Variants in C4BPA observed in about 807,000 individuals in gnomAD.
C4BPA encodes the protein C4b-binding protein alpha chain.
Under a neutral mutation model 63.7 loss-of-function variants are expected in C4BPA, and 31 were observed. The ratio of observed to expected loss-of-function variants is 0.49; its 90% CI spans 0.37 to 0.66. The LOEUF is 0.66. Ranked by LOEUF, C4BPA falls within the 30% of genes least tolerant of loss-of-function variation. The pLI, the probability that C4BPA is intolerant of heterozygous loss-of-function variation, is 0.00. For synonymous variants in C4BPA, 259 were observed against 254.7 expected, an observed-to-expected ratio of 1.02 and a Z score of -0.16; for missense variants, 572 against 723.3, an observed-to-expected ratio of 0.79 and a Z score of 2.40.
rs756785221 is a variant in C4BPA at position 207,141,256 on chromosome 1, C to T, written c.1424C>T (p.Ala475Val). Residue 475 changes from alanine to valine, a missense_variant, in exon 10 of 12, where the codon GCT (alanine) becomes GTT (valine). Coordinates refer to ENST00000367070, the MANE Select transcript of C4BPA (RefSeq NM_000715.4). ...KLSCSYSHWS[A>V]PAPQCKALCR... Reference sequence around the variant, plus strand: ...TCCTGCAGTTATTCACACTGGTCAGCTCCAGCCCCTCAATGTAAAGGTAAC... The same window carrying T: ...TCCTGCAGTTATTCACACTGGTCAGTTCCAGCCCCTCAATGTAAAGGTAAC... 29 of 1,613,026 alleles carry T rather than the reference C, an allele frequency of 1.8e-5. No individual in the cohort carries two copies. Among genetic ancestry groups the T allele is most frequent in the Non-Finnish European group, 2.4e-5 (28 of 1,179,712 alleles).
chr1:207,115,534 A>C lies in C4BPA; in HGVS notation c.428+19A>C. ...CAGAAGGGTGAGTGTGAGGTAATCTATGAACAATTCTTTTATATTTATTTA... is the reference window on the plus strand; with the variant it reads ...CAGAAGGGTGAGTGTGAGGTAATCTCTGAACAATTCTTTTATATTTATTTA... On this transcript the variant is annotated intron_variant, in intron 4 of 11. Coordinates refer to ENST00000367070, the MANE Select transcript of C4BPA (RefSeq NM_000715.4). 7.8e-7 allele frequency: 1 copy of C among 1,286,732 alleles called. No individual in the cohort carries two copies. Among genetic ancestry groups the C allele is most frequent in the South Asian group, 1.4e-5 (1 of 73,088 alleles). 79.7% of individuals were successfully genotyped at this position (1,286,732 alleles called of 1,614,324 possible). A position where few individuals can be genotyped will look rare whatever the true frequency, so the allele number is the denominator to read the frequency against.
chr1:207,142,105 T>G (rs951809737), intron 10 of C4BPA, among the ~76,000 whole-genome samples: 2 of 147,568 alleles, frequency 1.4e-5, no homozygotes, highest in African/African-American at 5.0e-5. Context: ...GTGTGTGATG[T>G]TCCCCTCCCT....
intron 1 of C4BPA, among the ~76,000 whole-genome samples, chr1:207,106,966 G>A (rs1684574826): frequency 6.6e-6 from 1 of 152,114 alleles, no homozygotes; most frequent in African/African-American, 2.4e-5. Flanking sequence ...CGTTAGAGAT[G>A]GAAAGTTGAA....
intron 9 of C4BPA, 61 bp from the exon 10 acceptor site, chr1:207,141,045 A>G: frequency 7.6e-7 from 1 of 1,322,204 alleles, no homozygotes; most frequent in South Asian, 1.4e-5. Flanking sequence ...GTATTCTGCA[A>G]TGTGCTACTT....
chr1:207,106,623 AG>A (rs1684568601), intron 1 of C4BPA, among the ~76,000 whole-genome samples: 1 of 149,308 alleles, frequency 6.7e-6, no homozygotes, highest in Non-Finnish European at 1.5e-5. Flanking sequence ...TTGTCTTTTT[AG>A]TAGAGACAGG....
At chr1:207,121,338 C>T (rs1477188460) in intron 4 of C4BPA, among the ~76,000 whole-genome samples, 1 of 152,054 alleles carries the variant, frequency 6.6e-6, no homozygotes, top group Non-Finnish European at 1.5e-5. Flanking sequence ...ATTCATAGCT[C>T]TTCACTGAAA....
At chr1:207,138,059 G>A (rs1685329290) in intron 9 of C4BPA, among the ~76,000 whole-genome samples, 1 of 152,206 alleles carries the variant, frequency 6.6e-6, no homozygotes, top group African/African-American at 2.4e-5. Context: ...GAGAGGAAGG[G>A]TCCATTCAGA....
At chr1:207,115,844 T>C (rs1165055039) in intron 4 of C4BPA, among the ~76,000 whole-genome samples, 1 of 152,190 alleles carries the variant, frequency 6.6e-6, no homozygotes, top group African/African-American at 2.4e-5. Context: ...TATTTCCATG[T>C]TTGCGCATAG....
intron 4 of C4BPA, among the ~76,000 whole-genome samples, chr1:207,118,854 T>C (rs1684867956): frequency 6.6e-6 from 1 of 152,206 alleles, no homozygotes; most frequent in Admixed American, 6.5e-5. Flanking sequence ...AGTCAGGATT[T>C]ACCTGGAGAA....
intron 8 of C4BPA, among the ~76,000 whole-genome samples, chr1:207,133,997 T>C (rs886156198): frequency 2.0e-5 from 3 of 152,126 alleles, no homozygotes; most frequent in Non-Finnish European, 4.4e-5. Context: ...CATTTTCATA[T>C]TGGTTAAATT....
At chr1:207,129,698 C>T (rs1400887410) in intron 7 of C4BPA, among the ~76,000 whole-genome samples, 1 of 152,124 alleles carries the variant, frequency 6.6e-6, no homozygotes. Context: ...AAGATAAAAA[C>T]CTCAACCAAG....
chr1:207,134,332 A>G (rs533214298), intron 8 of C4BPA, 72 bp from the exon 9 acceptor site: 1 of 1,097,954 alleles, frequency 9.1e-7, no homozygotes, highest in East Asian at 2.4e-5. Flanking sequence ...AAAGATGGAA[A>G]TGAGGTTGTT....
At chr1:207,109,355 A>C (rs532467092) in intron 1 of C4BPA, among the ~76,000 whole-genome samples, 1 of 152,340 alleles carries the variant, frequency 6.6e-6, no homozygotes, top group East Asian at 1.9e-4. Flanking sequence ...TTCCAATGCC[A>C]ATTCTATGAA....
chr1:207,112,200 ATG>A (rs201164016), intron 1 of C4BPA, among the ~76,000 whole-genome samples: 6 of 145,900 alleles, frequency 4.1e-5, no homozygotes, highest in South Asian at 2.2e-4. Flanking sequence ...ATATATATAT[ATG>A]TGTGTGTGTG....
At chr1:207,131,815 A>ATAAT in intron 8 of C4BPA, 75 bp downstream of exon 8, 2 of 980,826 alleles carry the variant, frequency 2.0e-6, no homozygotes, top group Non-Finnish European at 3.0e-6. Context: ...TTAAATGAAT[A>ATAAT]TAATTTTATC....
intron 4 of C4BPA, among the ~76,000 whole-genome samples, chr1:207,120,572 C>G (rs116794330): frequency 0.035 from 5,256 of 152,022 alleles, 200 homozygotes; most frequent in African/African-American, 0.081. Context: ...CAAGACCAGC[C>G]TGAGCAACAT....
At chr1:207,141,002 G>GA (rs1685401596) in intron 9 of C4BPA, 104 bp from the exon 10 acceptor site, 3 of 839,778 alleles carry the variant, frequency 3.6e-6, no homozygotes, top group Admixed American at 5.5e-5. Flanking sequence ...AGCGAGGATA[G>GA]AAGGACAGAA....
At chr1:207,123,048 T>C (rs7555064) in intron 4 of C4BPA, among the ~76,000 whole-genome samples, 83,873 of 152,034 alleles carry the variant, frequency 0.55, 25,567 homozygotes, top group East Asian at 0.73. Flanking sequence ...GTTTTCCTTA[T>C]TGTGTATGGC....
chr1:207,110,681 T>C (rs1684650170), intron 1 of C4BPA, among the ~76,000 whole-genome samples: 1 of 152,198 alleles, frequency 6.6e-6, no homozygotes, highest in Non-Finnish European at 1.5e-5. Context: ...TCAATGAGTA[T>C]AAATATATCC....
Sources: allele counts gnomAD v4.1 joint callset (sites outside exome capture counted in the v4.1 genomes callset), GRCh38; gene constraint gnomAD v4.1.1; transcripts MANE v1.5; gene names NCBI Gene and HGNC (gene_info 2026-07-23, HGNC 2026-07-21).